Variants in MED27 observed in about 807,000 individuals in gnomAD.
MED27 encodes mediator complex subunit 27.
A neutral mutation model predicts 38.2 loss-of-function variants in MED27; 30 were observed. That is an observed-to-expected ratio of 0.79 (90% confidence interval 0.59 to 1.07). The LOEUF (loss-of-function observed/expected upper bound fraction) is 1.07. Among genes scored for constraint, MED27 ranks in the 50% least tolerant of loss-of-function variants. MED27 has a pLI of 0.00. For synonymous variants in MED27, 122 were observed against 153.5 expected (o/e 0.79, Z 1.52); for missense variants, 289 against 397.5 (o/e 0.73, Z 2.32).
chr9:131,878,183 G>C (rs1838970978), intron 6 of MED27, among the ~76,000 whole-genome samples: 1 of 151,980 alleles, frequency 6.6e-6, no homozygotes, highest in Non-Finnish European at 1.5e-5. Flanking sequence ...TGAGGCAGGA[G>C]AATTGCTTGA....
intron 2 of MED27, among the ~76,000 whole-genome samples, chr9:132,023,209 C>T (rs1225895829): frequency 1.3e-5 from 2 of 151,388 alleles, no homozygotes; most frequent in South Asian, 2.1e-4. Flanking sequence ...TTTTTCCCCC[C>T]CAAAAGAAAA....
At chr9:131,868,945 A>G (rs1459289635) in intron 6 of MED27, 1 of 985,366 alleles carries the variant, frequency 1.0e-6, no homozygotes, top group Admixed American at 6.1e-5. Flanking sequence ...GCCATGCGCC[A>G]CAGCCCTGCT....
chr9:131,952,842 T>TC (rs1364878474), intron 3 of MED27, among the ~76,000 whole-genome samples: 2 of 152,214 alleles, frequency 1.3e-5, no homozygotes, highest in African/African-American at 4.8e-5. Flanking sequence ...ACTGCCCTAG[T>TC]CCCTTATGGG....
At chr9:131,935,395 T>C (rs1830663816) in intron 4 of MED27, among the ~76,000 whole-genome samples, 1 of 152,200 alleles carries the variant, frequency 6.6e-6, no homozygotes, top group African/African-American at 2.4e-5. Context: ...TCAAAACAAG[T>C]ATCCTGGTAT....
chr9:131,871,692 GAC>G (rs1300402937), intron 6 of MED27, among the ~76,000 whole-genome samples: 1 of 152,070 alleles, frequency 6.6e-6, no homozygotes, highest in Non-Finnish European at 1.5e-5. Flanking sequence ...TGGGACTACA[GAC>G]ACACACCCCC....
chr9:131,999,107 A>G (rs909641337), intron 3 of MED27, among the ~76,000 whole-genome samples: 3 of 152,190 alleles, frequency 2.0e-5, no homozygotes, highest in African/African-American at 7.2e-5. Flanking sequence ...CGGGGACATT[A>G]AGTACCCAGC....
At position 131,871,379 on chromosome 9, in the gene MED27, T is replaced by A. The variant is rs552426268; in HGVS notation, c.724-8239A>T. ...AGTAAGGGAAGAATAAAGGACACTG[T>A]AATGACACAGAAAGGACTGGGGAGA... On this transcript the variant is annotated intron_variant, in intron 6 of 7. Coordinates refer to ENST00000292035, the MANE Select transcript of MED27 (RefSeq NM_004269.4). Among the ~76,000 whole-genome samples the A allele has an allele frequency of 2.8e-3, 433 of 152,306 alleles. 2 individuals are homozygous for A. The highest frequency in any genetic ancestry group is 4.2e-3 in the African/African-American group (175 of 41,556).
At chr9:131,971,406 A>T (rs1230955889) in intron 3 of MED27, among the ~76,000 whole-genome samples, 4 of 152,222 alleles carry the variant, frequency 2.6e-5, no homozygotes, top group Admixed American at 2.0e-4. Context: ...CGGAGCCAGG[A>T]GGGGCCAGAT....
chr9:131,918,639 A>AT (rs956255781), intron 4 of MED27, among the ~76,000 whole-genome samples: 7 of 151,152 alleles, frequency 4.6e-5, no homozygotes, highest in Non-Finnish European at 7.4e-5. Context: ...ATGCCCAAGC[A>AT]TTTTTTTTTC....
Position 131,982,224 on chromosome 9 carries a change from G to A in MED27, c.479+32113C>T, listed in dbSNP as rs1229133044. Among the ~76,000 whole-genome samples, 1 of 152,180 alleles carries A rather than the reference G, an allele frequency of 6.6e-6. No homozygotes were observed. The highest frequency in any genetic ancestry group is 1.9e-4 in the East Asian group (1 of 5,182). On this transcript the variant is annotated intron_variant, in intron 3 of 7. Coordinates refer to ENST00000292035, the MANE Select transcript of MED27 (RefSeq NM_004269.4). This position sits in a 1 kb window ranked among gnomAD's most constrained non-coding sequence, Gnocchi z 4.3. ...AGTTCCAGGCCTAAGCCCCAAGAAT[G>A]CTTGGCAGCTTTTGCTTTCGCACTC...
chr9:131,986,455 T>A (rs1208480276), intron 3 of MED27, among the ~76,000 whole-genome samples: 4 of 152,202 alleles, frequency 2.6e-5, no homozygotes, highest in Non-Finnish European at 5.9e-5. Flanking sequence ...GTACTGGGAT[T>A]ACAGGCATGA....
intron 3 of MED27, among the ~76,000 whole-genome samples, chr9:131,987,623 G>C (rs1831883116): frequency 6.6e-6 from 1 of 152,118 alleles, no homozygotes; most frequent in Non-Finnish European, 1.5e-5. Flanking sequence ...TATTTCAAAG[G>C]CATTCTTATT....
chr9:132,072,150 A>G (rs1280974870), intron 2 of MED27, among the ~76,000 whole-genome samples: 1 of 152,234 alleles, frequency 6.6e-6, no homozygotes, highest in Non-Finnish European at 1.5e-5. Flanking sequence ...CGTTCCATAA[A>G]TGAGTACACA....
intron 2 of MED27, among the ~76,000 whole-genome samples, chr9:132,024,726 G>A (rs986119988): frequency 3.3e-5 from 5 of 152,140 alleles, no homozygotes; most frequent in Non-Finnish European, 7.4e-5. Context: ...AAGGACAATC[G>A]TCTAAGGCCT....
At position 131,939,434 on chromosome 9, in the gene MED27, G is replaced by C. The variant is rs199522535; in HGVS notation, c.520C>G (p.Pro174Ala). ...CTGGATAAGTGGATGGACATTTCAG[G>C]AAACATCCTGTCAATGCGGCTGATC... ...DVISRIDRMF[P>A]EMSIHLSRPN... Residue 174 changes from proline (P) to alanine (A), a missense_variant, in exon 4 of 8, where the codon CCT (proline) becomes GCT (alanine). Coordinates refer to ENST00000292035, the MANE Select transcript of MED27 (RefSeq NM_004269.4). 2.5e-5 allele frequency: 40 copies of C among 1,612,150 alleles called. No individual in the cohort carries two copies. The East Asian group carries it at 8.7e-4, about 35-fold the overall frequency.
chr9:131,967,341 A>C (rs1048806607), intron 3 of MED27, among the ~76,000 whole-genome samples: 7 of 152,218 alleles, frequency 4.6e-5, no homozygotes, highest in African/African-American at 1.7e-4. Flanking sequence ...GTGAATCAAC[A>C]AAAAATGCTC....
At chr9:131,927,580 C>T (rs1386171616) in intron 4 of MED27, among the ~76,000 whole-genome samples, 1 of 152,216 alleles carries the variant, frequency 6.6e-6, no homozygotes, top group South Asian at 2.1e-4. Flanking sequence ...AGTGAACTCC[C>T]TGTGGGTTCA....
chr9:131,897,610 T>C (rs1263571357), intron 4 of MED27, among the ~76,000 whole-genome samples: 1 of 152,238 alleles, frequency 6.6e-6, no homozygotes, highest in Non-Finnish European at 1.5e-5. Context: ...GGCTGTTATT[T>C]GTTTCAGAAG....
At chr9:131,891,755 AG>A (rs1398886055) in intron 5 of MED27, among the ~76,000 whole-genome samples, 3 of 152,206 alleles carry the variant, frequency 2.0e-5, no homozygotes, top group African/African-American at 7.2e-5. Flanking sequence ...AGCCAAGTGA[AG>A]GACAGACTGT....
Sources: allele counts gnomAD v4.1 joint callset (sites outside exome capture counted in the v4.1 genomes callset), GRCh38; gene constraint gnomAD v4.1.1; non-coding constraint Gnocchi (gnomAD v3.1); transcripts MANE v1.5; gene names NCBI Gene and HGNC (gene_info 2026-07-23, HGNC 2026-07-21).